RNF216: variants seen among roughly 807,000 people sequenced by gnomAD.
RNF216 encodes the protein E3 ubiquitin-protein ligase RNF216.
Under a neutral mutation model 110.8 loss-of-function variants are expected in RNF216, and 72 were observed. That is an observed-to-expected ratio of 0.65 (90% confidence interval 0.54 to 0.79). The LOEUF is 0.79. Ranked by LOEUF, RNF216 falls within the 30% of genes least tolerant of loss-of-function variation. RNF216 has a pLI of 0.00. For missense variants in RNF216, 1,342 were observed against 1,141.2 expected (o/e 1.18, Z -2.54); for synonymous variants, 495 against 407.5 (o/e 1.21, Z -2.59).
Position 5,723,990 on chromosome 7 carries a change from A to G in RNF216, c.1504+1334T>C, listed in dbSNP as rs1383013464. On this transcript the variant is annotated intron_variant, in intron 8 of 16. Transcript: ENST00000389902. Reference sequence around the variant, plus strand: ...GATTATCTGATAAGTAAAATTAAAGAATCAGCACCTAAATTAAAGTGCTAT... The same window carrying G: ...GATTATCTGATAAGTAAAATTAAAGGATCAGCACCTAAATTAAAGTGCTAT... Among the ~76,000 whole-genome samples the G allele has an allele frequency of 3.9e-5, 6 of 152,244 alleles. No homozygotes were observed. The East Asian group carries it at 1.2e-3, about 29-fold the overall frequency.
Position 5,741,213 on chromosome 7 carries a change from T to C in RNF216, c.804A>G (p.Glu268=). 6.2e-7 allele frequency: 1 copy of C among 1,614,114 alleles called. No homozygotes were observed. Among genetic ancestry groups the C allele is most frequent in the Non-Finnish European group, 8.5e-7 (1 of 1,180,006 alleles). The change falls in exon 4 of 17, where the codon GAA becomes GAG. Residue 268 remains glutamate, a synonymous_variant. Coordinates refer to ENST00000389902, the MANE Select transcript of RNF216 (RefSeq NM_207111.4). ...GCCTTGGAAAAGCGGGCCCTGGGAA[T>C]TCATGCTGAAACAACAAGCGGCCCA... ...AELGRLLFQH[E]FPGPAFPRPE...
chr7:5,738,609 G>A (rs2128650701), intron 5 of RNF216, among the ~76,000 whole-genome samples: 1 of 151,176 alleles, frequency 6.6e-6, no homozygotes, highest in East Asian at 2.0e-4. Context: ...TCGGGAGGCT[G>A]AGGCAGGAGA....
chr7:5,736,255 T>C (rs954166531), intron 5 of RNF216, among the ~76,000 whole-genome samples: 15 of 152,148 alleles, frequency 9.9e-5, no homozygotes, highest in Admixed American at 2.0e-4. Context: ...GTGCCTGTGA[T>C]TGCAGGTGCG....
At chr7:5,626,853 C>A (rs900519010) in intron 15 of RNF216, among the ~76,000 whole-genome samples, 1 of 152,012 alleles carries the variant, frequency 6.6e-6, no homozygotes, top group African/African-American at 2.4e-5. Flanking sequence ...AAGGATGTAG[C>A]CCAAAGTAAA....
chr7:5,695,453 A>G (rs969184390), intron 13 of RNF216, among the ~76,000 whole-genome samples: 6 of 152,220 alleles, frequency 3.9e-5, no homozygotes, highest in Admixed American at 3.9e-4. Context: ...GCTGCCTCGG[A>G]GCCCGGACTA....
At chr7:5,670,073 C>T (rs1236631262) in intron 13 of RNF216, among the ~76,000 whole-genome samples, 1 of 152,006 alleles carries the variant, frequency 6.6e-6, no homozygotes, top group African/African-American at 2.4e-5. Context: ...ATTACAGGCA[C>T]GCACCACCAT....
chr7:5,698,283 G>C (rs1791749070), intron 13 of RNF216, among the ~76,000 whole-genome samples: 1 of 152,016 alleles, frequency 6.6e-6, no homozygotes. Context: ...AGGAGGGTCT[G>C]TTACAGGCTA....
At chr7:5,678,896 AG>A (rs774027868) in intron 13 of RNF216, among the ~76,000 whole-genome samples, 35 of 152,206 alleles carry the variant, frequency 2.3e-4, no homozygotes, top group Non-Finnish European at 4.9e-4. Flanking sequence ...GCTCCTAGAG[AG>A]GAAGTGGGGA....
intron 15 of RNF216, among the ~76,000 whole-genome samples, chr7:5,634,717 TG>T (rs1787292909): frequency 6.6e-6 from 1 of 152,220 alleles, no homozygotes; most frequent in Admixed American, 6.5e-5. Flanking sequence ...GGGCAGAATG[TG>T]GCCATGTTTT....
chr7:5,725,088 C>T (rs528140769), intron 8 of RNF216, among the ~76,000 whole-genome samples: 4 of 152,284 alleles, frequency 2.6e-5, no homozygotes, highest in East Asian at 3.9e-4. Flanking sequence ...AATTTTCTAA[C>T]ACCACACAAA....
At chr7:5,643,792 A>G (rs1398950084) in intron 14 of RNF216, among the ~76,000 whole-genome samples, 2 of 152,190 alleles carry the variant, frequency 1.3e-5, no homozygotes, top group Non-Finnish European at 2.9e-5. Context: ...AGAGACTTTT[A>G]TAACCCCAAA....
chr7:5,675,100 C>A (rs1379756645), intron 13 of RNF216, among the ~76,000 whole-genome samples: 1 of 152,188 alleles, frequency 6.6e-6, no homozygotes, highest in African/African-American at 2.4e-5. Context: ...AGAGCTCCCA[C>A]AATTTAAAAG....
rs908089284 is a variant in RNF216 at position 5,624,862 on chromosome 7, T to C, written c.2383-737A>G. Among the ~76,000 whole-genome samples the C allele has an allele frequency of 2.0e-5, 3 of 152,162 alleles. No homozygotes were observed. Among genetic ancestry groups the C allele is most frequent in the Non-Finnish European group, 2.9e-5 (2 of 68,022 alleles). On this transcript the variant is annotated intron_variant, in intron 15 of 16. Coordinates refer to ENST00000389902, the MANE Select transcript of RNF216 (RefSeq NM_207111.4). The surrounding 1 kb of genome is among the most constrained non-coding windows in gnomAD (Gnocchi z 4.4). ...TGGGCAAGCCCCAGAGGTTGGGTTT[T>C]TGCCACATGCAGCTCCCACACCCCC...
At chr7:5,705,514 G>A (rs931921719) in intron 13 of RNF216, among the ~76,000 whole-genome samples, 4 of 152,096 alleles carry the variant, frequency 2.6e-5, no homozygotes, top group African/African-American at 9.7e-5. Flanking sequence ...TTATGCTGCT[G>A]GAACAAACTC....
chr7:5,720,946 C>G, intron 9 of RNF216, 87 bp downstream of exon 9: 2 of 1,319,646 alleles, frequency 1.5e-6, no homozygotes, highest in Non-Finnish European at 2.1e-6. Context: ...AAAGGGAAAT[C>G]TTAAAAGACA....
intron 13 of RNF216, among the ~76,000 whole-genome samples, chr7:5,678,336 G>A (rs980997094): frequency 2.6e-4 from 40 of 152,150 alleles, no homozygotes; most frequent in African/African-American, 9.4e-4. Context: ...TATATTACCT[G>A]CGTTTCATAA....
At chr7:5,773,752 G>A (rs890515479) in intron 1 of RNF216, among the ~76,000 whole-genome samples, 2 of 152,070 alleles carry the variant, frequency 1.3e-5, no homozygotes, top group African/African-American at 2.4e-5. Context: ...ATTTTTAGTA[G>A]AGAAGTGGTT....
chr7:5,755,327 G>C (rs1443466916), intron 2 of RNF216, among the ~76,000 whole-genome samples: 1 of 152,106 alleles, frequency 6.6e-6, no homozygotes, highest in African/African-American at 2.4e-5. Flanking sequence ...CACACCACAT[G>C]TAAGGTTCCA....
At chr7:5,627,756 A>G (rs1232437933) in intron 15 of RNF216, among the ~76,000 whole-genome samples, 1 of 151,846 alleles carries the variant, frequency 6.6e-6, no homozygotes, top group Admixed American at 6.6e-5. Context: ...AAAAAAAAAA[A>G]AAGACTAGCC....
Sources: allele counts gnomAD v4.1 joint callset (sites outside exome capture counted in the v4.1 genomes callset), GRCh38; gene constraint gnomAD v4.1.1; non-coding constraint Gnocchi (gnomAD v3.1); transcripts MANE v1.5; gene names NCBI Gene and HGNC (gene_info 2026-07-23, HGNC 2026-07-21).